CPQ: variants seen among roughly 807,000 people sequenced by gnomAD.
The protein encoded by CPQ is Ser-Met dipeptidase.
In CPQ, 37 loss-of-function variants were observed where a neutral mutation model predicts 45.7. The ratio of observed to expected loss-of-function variants is 0.81; its 90% CI spans 0.62 to 1.07. CPQ has a LOEUF of 1.07. CPQ is among the 50% of genes least tolerant of loss of function. The pLI, the probability that CPQ is intolerant of heterozygous loss-of-function variation, is 0.00. For missense variants in CPQ, 537 were observed against 572.9 expected (o/e 0.94, Z 0.64); for synonymous variants, 186 against 205.8 (o/e 0.90, Z 0.82).
Position 96,868,057 on chromosome 8 carries a change from A to G in CPQ, c.642-11741A>G, listed in dbSNP as rs185783159. Among the ~76,000 whole-genome samples, 3 of 152,154 alleles carry G rather than the reference A, an allele frequency of 2.0e-5. No homozygotes were observed. The East Asian group carries it at 5.8e-4, about 30-fold the overall frequency. ...TGAGATGTGAGTAGAGCATTTAATT[A>G]CTGATGAGAGAGACCTTTCAGAGTG... is the stretch of plus-strand genomic sequence containing the variant. On this transcript the variant is annotated intron_variant, in intron 3 of 7. Transcript: ENST00000220763.
intron 4 of CPQ, among the ~76,000 whole-genome samples, chr8:96,881,845 C>T (rs180883187): frequency 1.6e-3 from 250 of 152,338 alleles, no homozygotes; most frequent in Non-Finnish European, 2.3e-3. Context: ...TCACAGCTCA[C>T]TGAATGTAAG....
intron 5 of CPQ, among the ~76,000 whole-genome samples, chr8:96,998,454 A>G (rs1809211955): frequency 6.6e-6 from 1 of 151,926 alleles, no homozygotes; most frequent in East Asian, 1.9e-4. Flanking sequence ...AGAACTGAAA[A>G]TATAAAAGAT....
intron 7 of CPQ, among the ~76,000 whole-genome samples, chr8:97,122,952 A>AAAAT: frequency 1.3e-5 from 1 of 75,496 alleles, no homozygotes; most frequent in Non-Finnish European, 2.1e-5. Context: ...AAAATAAAAT[A>AAAAT]AAATAAAATA....
chr8:96,888,552 C>T (rs139460430), intron 4 of CPQ, among the ~76,000 whole-genome samples: 1 of 152,336 alleles, frequency 6.6e-6, no homozygotes, highest in East Asian at 1.9e-4. Context: ...GCATTATTTA[C>T]AGAGTAAGGG....
chr8:97,132,143 G>C (rs902994917), intron 7 of CPQ, among the ~76,000 whole-genome samples: 1 of 152,080 alleles, frequency 6.6e-6, no homozygotes, highest in Admixed American at 6.6e-5. Context: ...GACTCTATGT[G>C]CTTAAGTGCT....
At position 97,143,113 on chromosome 8, in the gene CPQ, TTGC is replaced by T. The variant is rs1204022590; in HGVS notation, c.1358_1360del (p.Ala453del). 5 of 1,613,932 alleles carry T rather than the reference TTGC, an allele frequency of 3.1e-6. No individual in the cohort carries two copies. In the Middle Eastern group the frequency reaches 4.9e-4, roughly 159 times the overall value. The stretch of plus-strand genomic sequence containing the variant: ...GTCATGGATCCAAAGCAGATGAATG[TTGC>T]TGCTGCTGTTTGGGCTGTTGTTTCT... On this transcript the variant is annotated inframe_deletion, in exon 8 of 8. Transcript: ENST00000220763.
At chr8:96,772,607 G>T (rs765375242) in intron 1 of CPQ, among the ~76,000 whole-genome samples, 7 of 152,100 alleles carry the variant, frequency 4.6e-5, no homozygotes, top group Admixed American at 1.3e-4. Flanking sequence ...AGGACAGATG[G>T]GGGAAGGGAC....
At chr8:96,787,525 CTTTTTTTTTTTTTT>C (rs71267281) in intron 2 of CPQ, among the ~76,000 whole-genome samples, 7 of 47,590 alleles carry the variant, frequency 1.5e-4, no homozygotes, top group Admixed American at 3.5e-4. Context: ...CTTATAATGT[CTTTTTTTTTTTTTT>C]TTTTTTTTTT....
intron 6 of CPQ, among the ~76,000 whole-genome samples, chr8:97,063,952 AT>A (rs1163979368): frequency 3.9e-5 from 6 of 152,014 alleles, no homozygotes; most frequent in Non-Finnish European, 8.8e-5. Flanking sequence ...TATTTGGGCT[AT>A]TTTGGGGTTC....
intron 3 of CPQ, among the ~76,000 whole-genome samples, chr8:96,854,345 A>C (rs1367780057): frequency 2.0e-5 from 3 of 150,500 alleles, no homozygotes; most frequent in African/African-American, 4.9e-5. Flanking sequence ...TCCCGGCTAA[A>C]ACGGTGAAAC....
At chr8:97,059,904 T>C (rs1030451470) in intron 6 of CPQ, among the ~76,000 whole-genome samples, 3 of 152,182 alleles carry the variant, frequency 2.0e-5, no homozygotes, top group African/African-American at 7.2e-5. Context: ...GAAGAATAAA[T>C]TGAGGAGGCT....
chr8:96,881,915 T>A (rs1812228867), intron 4 of CPQ, among the ~76,000 whole-genome samples: 1 of 152,160 alleles, frequency 6.6e-6, no homozygotes, highest in African/African-American at 2.4e-5. Flanking sequence ...CTGGTGCAAA[T>A]CTCATGCATT....
chr8:96,975,773 G>A (rs1224323109), intron 5 of CPQ, among the ~76,000 whole-genome samples: 1 of 152,088 alleles, frequency 6.6e-6, no homozygotes, highest in Admixed American at 6.5e-5. Context: ...TGCAGAAGAA[G>A]CATTTGACAA....
At chr8:96,817,542 C>A (rs145458888) in intron 2 of CPQ, among the ~76,000 whole-genome samples, 1 of 151,940 alleles carries the variant, frequency 6.6e-6, no homozygotes, top group African/African-American at 2.4e-5. Flanking sequence ...TCCAGACAGC[C>A]AGAACTTTCA....
At chr8:96,737,230 T>TACACAC (rs377227683) in intron 1 of CPQ, among the ~76,000 whole-genome samples, 3 of 142,158 alleles carry the variant, frequency 2.1e-5, no homozygotes, top group African/African-American at 8.0e-5. Flanking sequence ...ACTAATAAGA[T>TACACAC]ACACACACAC....
At chr8:96,892,741 G>A (rs1037424162) in intron 4 of CPQ, among the ~76,000 whole-genome samples, 1 of 152,136 alleles carries the variant, frequency 6.6e-6, no homozygotes, top group East Asian at 1.9e-4. Context: ...GGAAATAGCT[G>A]AAGCCAGACA....
intron 5 of CPQ, among the ~76,000 whole-genome samples, chr8:97,024,802 A>G (rs563110944): frequency 1.3e-5 from 2 of 152,342 alleles, no homozygotes; most frequent in East Asian, 3.9e-4. Flanking sequence ...TTGCAGGAAT[A>G]TAAATCTCTT....
chr8:96,931,393 CCTTA>C (rs1237817747), intron 4 of CPQ, among the ~76,000 whole-genome samples: 1 of 152,070 alleles, frequency 6.6e-6, no homozygotes, highest in Middle Eastern at 3.2e-3. Flanking sequence ...GAAAAAATTG[CCTTA>C]CTATTTCCAC....
At chr8:96,740,950 T>G (rs1810079485) in intron 1 of CPQ, among the ~76,000 whole-genome samples, 1 of 152,192 alleles carries the variant, frequency 6.6e-6, no homozygotes, top group Admixed American at 6.5e-5. Context: ...TCTGCCCATC[T>G]TTGGTATCAG....
Sources: allele counts gnomAD v4.1 joint callset (sites outside exome capture counted in the v4.1 genomes callset), GRCh38; gene constraint gnomAD v4.1.1; transcripts MANE v1.5; gene names NCBI Gene and HGNC (gene_info 2026-07-23, HGNC 2026-07-21).